The following RORA variants were observed in gnomAD, a reference collection of about 807,000 sequenced individuals.
RORA encodes RAR related orphan receptor A, also known as nuclear receptor ROR-alpha.
A neutral mutation model predicts 69.5 loss-of-function variants in RORA; 7 were observed. That is an observed-to-expected ratio of 0.10 (90% CI 0.06 to 0.19). The LOEUF (loss-of-function observed/expected upper bound fraction) is 0.19, where lower values mean the gene tolerates loss of function less well. RORA is among the 10% of genes least tolerant of loss of function. RORA has a pLI of 1.00. For missense variants in RORA, 457 were observed against 663.0 expected (o/e 0.69, Z 3.41); for synonymous variants, 261 against 240.8 (o/e 1.08, Z -0.78).
intron 1 of RORA, among the ~76,000 whole-genome samples, chr15:60,738,584 C>T (rs191658451): frequency 1.3e-4 from 20 of 152,292 alleles, no homozygotes; most frequent in Admixed American, 9.1e-4. Context: ...CAAATATAAT[C>T]CAGGCTGGAT....
intron 1 of RORA, among the ~76,000 whole-genome samples, chr15:60,798,713 TCAGA>T (rs1308225923): frequency 6.6e-6 from 1 of 151,970 alleles, no homozygotes; most frequent in Non-Finnish European, 1.5e-5. Context: ...GGCTTAAGTA[TCAGA>T]CAGATCCAGG....
At chr15:60,910,875 G>GT (rs35162656) in intron 1 of RORA, among the ~76,000 whole-genome samples, 12,582 of 139,640 alleles carry the variant, frequency 0.09, 886 homozygotes, top group East Asian at 0.3. Context: ...GGCTCTGGCT[G>GT]TTTTTTTTTT....
chr15:60,955,538 T>C (rs1237099857), intron 1 of RORA, among the ~76,000 whole-genome samples: 3 of 152,234 alleles, frequency 2.0e-5, no homozygotes, highest in African/African-American at 7.2e-5. Context: ...TAAAAATTCC[T>C]GGTTCTAAAT....
chr15:61,209,803 A>G (rs1187508876), intron 1 of RORA, among the ~76,000 whole-genome samples: 1 of 152,200 alleles, frequency 6.6e-6, no homozygotes, highest in African/African-American at 2.4e-5. Context: ...GGGGTTATTC[A>G]TGTGCATTAA....
At chr15:60,871,815 C>T (rs2073559427) in intron 1 of RORA, among the ~76,000 whole-genome samples, 1 of 152,132 alleles carries the variant, frequency 6.6e-6, no homozygotes, top group Non-Finnish European at 1.5e-5. Context: ...AGAAAAAGGA[C>T]ATTAGTGGAA....
chr15:60,524,658 C>T (rs2066287947), intron 3 of RORA, among the ~76,000 whole-genome samples: 1 of 152,166 alleles, frequency 6.6e-6, no homozygotes, highest in Non-Finnish European at 1.5e-5. Flanking sequence ...GGCCTGACTG[C>T]CTTGTTTCTT....
intron 1 of RORA, among the ~76,000 whole-genome samples, chr15:60,924,042 C>G (rs188877292): frequency 6.6e-6 from 1 of 152,190 alleles, no homozygotes; most frequent in Non-Finnish European, 1.5e-5. Flanking sequence ...AAAGGGCCAG[C>G]CCACTGAAAA....
At chr15:61,099,471 C>T (rs182993859) in intron 1 of RORA, among the ~76,000 whole-genome samples, 13 of 152,260 alleles carry the variant, frequency 8.5e-5, no homozygotes, top group African/African-American at 3.1e-4. Flanking sequence ...CTAGATAAAT[C>T]AGGAAAGATA....
chr15:60,694,773 A>C lies in RORA; in HGVS notation c.167-16087T>G, dbSNP rs146610606. Reference sequence around the variant, plus strand: ...AACCAGCACTCTCAAGGCCTTTACAAATTGGTAAATCAACCCATATGCAGC... The same window carrying C: ...AACCAGCACTCTCAAGGCCTTTACACATTGGTAAATCAACCCATATGCAGC... On this transcript the variant is annotated intron_variant, in intron 1 of 10. Coordinates refer to ENST00000335670, the MANE Select transcript of RORA (RefSeq NM_134261.3). Among the ~76,000 whole-genome samples, 196 of 152,336 alleles carry C rather than the reference A, an allele frequency of 1.3e-3. 1 individual carries two copies. The highest frequency in any genetic ancestry group is 4.6e-3 in the African/African-American group (191 of 41,578).
chr15:61,105,255 G>T (rs572504020), intron 1 of RORA, among the ~76,000 whole-genome samples: 1 of 152,236 alleles, frequency 6.6e-6, no homozygotes, highest in African/African-American at 2.4e-5. Context: ...TAGTATTTAT[G>T]AAATTATTTA....
Position 60,718,125 on chromosome 15 carries a change from AC to A in RORA, c.167-39440del, listed in dbSNP as rs370480807. 4.7e-4 allele frequency among the ~76,000 whole-genome samples: 72 copies of A among 152,300 alleles called. No individual in the cohort carries two copies. The South Asian group carries it at 0.014, about 29-fold the overall frequency. On this transcript the variant is annotated intron_variant, in intron 1 of 10. Coordinates refer to ENST00000335670, the MANE Select transcript of RORA (RefSeq NM_134261.3). ...GTGTTCTACGGATAGGACCTTCGTA[AC>A]AGCAAAGTTATGTCACTATGGTACA...
rs115280366 is a variant in RORA at position 61,067,725 on chromosome 15, A to G, written c.166+161328T>C. On this transcript the variant is annotated intron_variant, in intron 1 of 10. Coordinates refer to ENST00000335670, the MANE Select transcript of RORA (RefSeq NM_134261.3). The stretch of plus-strand genomic sequence containing the variant: ...TACAACATGCTGTCACCCTCAAAAT[A>G]TATACATATGTACTGCTGCCAGGTT... Among the ~76,000 whole-genome samples the G allele has an allele frequency of 1.7e-3, 261 of 152,338 alleles. 1 individual carries two copies. The highest frequency in any genetic ancestry group is 6.0e-3 in the African/African-American group (251 of 41,566).
At chr15:60,581,449 C>T (rs995193869) in intron 2 of RORA, among the ~76,000 whole-genome samples, 6 of 152,116 alleles carry the variant, frequency 3.9e-5, no homozygotes, top group Non-Finnish European at 4.4e-5. Context: ...CTTGATGTTA[C>T]GGATGCAACT....
intron 9 of RORA, 129 bp from the exon 10 acceptor site, chr15:60,500,133 T>C: frequency 1.7e-6 from 1 of 602,444 alleles, no homozygotes. Flanking sequence ...CCAGTTTCAC[T>C]CCTCTTTCAA....
intron 1 of RORA, among the ~76,000 whole-genome samples, chr15:60,908,254 G>A (rs1771503489): frequency 6.6e-6 from 1 of 152,212 alleles, no homozygotes; most frequent in South Asian, 2.1e-4. Context: ...TGTGGAGGGG[G>A]CGCTTTTGGT....
chr15:60,714,040 A>ATCTC (rs530210589), intron 1 of RORA, among the ~76,000 whole-genome samples: 27 of 149,724 alleles, frequency 1.8e-4, no homozygotes, highest in Middle Eastern at 7.0e-3. Flanking sequence ...CTTCTTCATT[A>ATCTC]TCTCTCTCTC....
intron 1 of RORA, among the ~76,000 whole-genome samples, chr15:60,714,141 C>A (rs1210724437): frequency 6.6e-6 from 1 of 152,048 alleles, no homozygotes; most frequent in Non-Finnish European, 1.5e-5. Context: ...GCAACCTCCG[C>A]CTCCCGGATT....
chr15:60,996,866 C>T (rs144838157), intron 1 of RORA, among the ~76,000 whole-genome samples: 2,013 of 151,344 alleles, frequency 0.013, 52 homozygotes, highest in African/African-American at 0.046. Flanking sequence ...GTGGAGATCA[C>T]GCCACTGCAC....
intron 2 of RORA, among the ~76,000 whole-genome samples, chr15:60,538,145 T>C (rs2066738109): frequency 6.6e-6 from 1 of 152,188 alleles, no homozygotes; most frequent in Non-Finnish European, 1.5e-5. Context: ...GTCTCTTTCC[T>C]ATTCAAGATT....
Sources: gnomAD v4.1 joint callset for allele counts (sites outside exome capture counted in the v4.1 genomes callset) on GRCh38, gnomAD v4.1.1 for gene constraint, MANE v1.5 for transcripts, NCBI Gene and HGNC (gene_info 2026-07-23, HGNC 2026-07-21) for gene names.